CLDN10: variants seen among roughly 807,000 people sequenced by gnomAD.
CLDN10 encodes the protein claudin 10.
Under a neutral mutation model 22.9 loss-of-function variants are expected in CLDN10, and 15 were observed. The observed-to-expected ratio is 0.65, with a 90% CI of 0.44 to 1.01. CLDN10 has a LOEUF of 1.01. Among genes scored for constraint, CLDN10 ranks in the 50% least tolerant of loss-of-function variants. CLDN10 has a pLI of 0.00. For synonymous variants in CLDN10, 114 were observed against 111.4 expected, an observed-to-expected ratio of 1.02 and a Z score of -0.15; for missense variants, 247 against 287.8, an observed-to-expected ratio of 0.86 and a Z score of 1.03.
Position 95,495,042 on chromosome 13 carries a change from A to AATTAATT in CLDN10, c.214+60998_214+60999insAATTATT, listed in dbSNP as rs386380312. 4.1e-3 allele frequency among the ~76,000 whole-genome samples: 614 copies of AATTAATT among 150,972 alleles called. 3 individuals carry two copies. Among genetic ancestry groups the AATTAATT allele is most frequent in the African/African-American group, 0.014 (588 of 41,096 alleles). ...AATATAATTAATTAATTAATTAATT[A>AATTAATT]ATTTTTTTTTTTAGATGGAGTCTCT... On this transcript the variant is annotated intron_variant, in intron 1 of 4. Coordinates refer to the CLDN10 transcript ENST00000376873.
At position 95,560,186 on chromosome 13, in the gene CLDN10, T is replaced by G; in HGVS notation, c.275T>G (p.Phe92Cys). Residue 92 changes from phenylalanine to cysteine, a missense_variant, in exon 2 of 5, where the codon TTT becomes TGT. Coordinates refer to ENST00000299339, the MANE Select transcript of CLDN10 (RefSeq NM_006984.5). ...ATCGCTGCTGTCAGCCTGGGCTTCT[T>G]TGGTTCCATATTTGCGCTCTTTGGA... ...LMIAAVSLGF[F>C]GSIFALFGMK... The G allele has an allele frequency of 3.1e-6, 5 of 1,614,214 alleles. No individual in the cohort carries two copies. Among genetic ancestry groups the G allele is most frequent in the Non-Finnish European group, 4.2e-6 (5 of 1,180,018 alleles).
At chr13:95,505,449 C>A (rs2043027938) in intron 1 of CLDN10, among the ~76,000 whole-genome samples, 1 of 152,220 alleles carries the variant, frequency 6.6e-6, no homozygotes, top group Non-Finnish European at 1.5e-5. Context: ...CTTCAGTGCA[C>A]AGCTCTGAGC....
At position 95,444,967 on chromosome 13, in the gene CLDN10, C is replaced by T. The variant is rs548313824; in HGVS notation, c.214+10920C>T. 1.5e-4 allele frequency among the ~76,000 whole-genome samples: 23 copies of T among 152,206 alleles called. 1 individual carries two copies. The South Asian group carries it at 4.4e-3, about 29-fold the overall frequency. ...ATTTTTGTATTTTTAGTAGAGACAGCGTTTTACCATGTTGGCCAGGCTGGT... is the reference window on the plus strand; with the variant it reads ...ATTTTTGTATTTTTAGTAGAGACAGTGTTTTACCATGTTGGCCAGGCTGGT... On this transcript the variant is annotated intron_variant, in intron 1 of 4. Transcript: ENST00000376873.
intron 1 of CLDN10, among the ~76,000 whole-genome samples, chr13:95,463,154 T>C (rs2042550100): frequency 6.6e-6 from 1 of 151,446 alleles, no homozygotes; most frequent in African/African-American, 2.4e-5. Flanking sequence ...ATAAGAGCAT[T>C]TGAGTTTGAC....
At chr13:95,569,924 G>A (rs1286242794) in intron 3 of CLDN10, among the ~76,000 whole-genome samples, 2 of 151,932 alleles carry the variant, frequency 1.3e-5, no homozygotes, top group Non-Finnish European at 2.9e-5. Context: ...GCCCGCCACC[G>A]CGCCCGGCTA....
At chr13:95,471,418 TACACAC>T (rs1219762768) in intron 1 of CLDN10, among the ~76,000 whole-genome samples, 1 of 106,468 alleles carries the variant, frequency 9.4e-6, no homozygotes, top group Non-Finnish European at 1.9e-5. Flanking sequence ...CACACACATA[TACACAC>T]ACACACACAC....
chr13:95,452,835 A>C (rs1198878388), intron 1 of CLDN10, among the ~76,000 whole-genome samples: 3 of 152,232 alleles, frequency 2.0e-5, no homozygotes, highest in Non-Finnish European at 4.4e-5. Flanking sequence ...TAAGATGAGA[A>C]GTGGAAATAA....
chr13:95,511,903 G>A (rs2043104794), intron 1 of CLDN10, among the ~76,000 whole-genome samples: 1 of 135,408 alleles, frequency 7.4e-6, no homozygotes, highest in African/African-American at 2.6e-5. Context: ...CAATGTGCAG[G>A]TTAGTTACAT....
chr13:95,455,568 T>C (rs190666444), intron 1 of CLDN10, among the ~76,000 whole-genome samples: 4 of 152,324 alleles, frequency 2.6e-5, no homozygotes, highest in Admixed American at 2.6e-4. Flanking sequence ...AAAATAAGGG[T>C]TCTGTAAGTT....
chr13:95,559,757 ACCTTT>A (rs2043681116), intron 1 of CLDN10, among the ~76,000 whole-genome samples: 1 of 152,088 alleles, frequency 6.6e-6, no homozygotes, highest in Admixed American at 6.5e-5. Context: ...AGTGAAAGGC[ACCTTT>A]CACTGTGGAA....
rs1004530015 is a variant in CLDN10 at position 95,498,553 on chromosome 13, C to A, written c.215-61579C>A. Among the ~76,000 whole-genome samples the A allele has an allele frequency of 2.0e-5, 3 of 152,090 alleles. No individual in the cohort carries two copies. The East Asian group carries it at 5.8e-4, about 29-fold the overall frequency. Reference sequence around the variant, plus strand: ...GGGACTACAGGCACAAGCCACCACGCCTGGCTGATTTTTGTATTTTTAGTA... The same window carrying A: ...GGGACTACAGGCACAAGCCACCACGACTGGCTGATTTTTGTATTTTTAGTA... On this transcript the variant is annotated intron_variant, in intron 1 of 4. Transcript: ENST00000376873.
intron 3 of CLDN10, among the ~76,000 whole-genome samples, chr13:95,563,093 C>CCTCTCTCTCTCTCTCTCT (rs1319576476): frequency 1.3e-5 from 1 of 74,402 alleles, no homozygotes; most frequent in Non-Finnish European, 3.4e-5. Flanking sequence ...CTCTGCCTAC[C>CCTCTCTCTCTCTCTCTCT]CACTCTCTCT....
chr13:95,471,548 G>T (rs76986943), intron 1 of CLDN10, among the ~76,000 whole-genome samples: 16,876 of 149,974 alleles, frequency 0.11, 1,290 homozygotes, highest in East Asian at 0.22. Flanking sequence ...CACCTCCAGG[G>T]TTCAAGTGAT....
At chr13:95,523,719 G>A (rs184927288) in intron 1 of CLDN10, among the ~76,000 whole-genome samples, 5 of 152,332 alleles carry the variant, frequency 3.3e-5, no homozygotes, top group Middle Eastern at 3.4e-3. Flanking sequence ...TGAGATTACA[G>A]GAGCAAGCCA....
intron 1 of CLDN10, among the ~76,000 whole-genome samples, chr13:95,512,910 CT>C (rs2043119890): frequency 6.6e-6 from 1 of 152,168 alleles, no homozygotes; most frequent in Non-Finnish European, 1.5e-5. Context: ...GGGTCTCTCT[CT>C]GTTGCCCGGG....
chr13:95,526,893 T>G (rs946357267), intron 1 of CLDN10, among the ~76,000 whole-genome samples: 1 of 152,246 alleles, frequency 6.6e-6, no homozygotes, highest in African/African-American at 2.4e-5. Flanking sequence ...ACTGTTTTAA[T>G]AATGAAACTC....
At chr13:95,479,702 T>C (rs1170298078) in intron 1 of CLDN10, 2 of 152,192 alleles carry the variant, frequency 1.3e-5, no homozygotes, top group Non-Finnish European at 2.9e-5. Context: ...AGGATTCTCA[T>C]CTTACAGATA....
chr13:95,527,369 A>C (rs1594588904), intron 1 of CLDN10, among the ~76,000 whole-genome samples: 1 of 152,196 alleles, frequency 6.6e-6, no homozygotes, highest in Non-Finnish European at 1.5e-5. Flanking sequence ...AACAAATACA[A>C]ATGTGTGTGT....
At chr13:95,482,815 TA>T in intron 1 of CLDN10, among the ~76,000 whole-genome samples, 1 of 152,042 alleles carries the variant, frequency 6.6e-6, no homozygotes, top group Admixed American at 6.5e-5. Flanking sequence ...CCATCTCTAC[TA>T]AAAATACAAA....
Sources: allele counts gnomAD v4.1 joint callset (sites outside exome capture counted in the v4.1 genomes callset), GRCh38; gene constraint gnomAD v4.1.1; transcripts MANE v1.5; gene names NCBI Gene and HGNC (gene_info 2026-07-23, HGNC 2026-07-21).